PIK3CD: variants seen among roughly 807,000 people sequenced by gnomAD.
PIK3CD encodes the protein phosphatidylinositol 4,5-bisphosphate 3-kinase catalytic subunit delta isoform.
Under a neutral mutation model 122.9 loss-of-function variants are expected in PIK3CD, and 20 were observed. That is an observed-to-expected ratio of 0.16 (90% CI 0.11 to 0.24). The LOEUF is 0.24. PIK3CD is among the 10% of genes least tolerant of loss of function. The pLI is 1.00. For synonymous variants in PIK3CD, 596 were observed against 593.4 expected, an observed-to-expected ratio of 1.00 and a Z score of -0.06; for missense variants, 787 against 1,406.3, an observed-to-expected ratio of 0.56 and a Z score of 7.04.
At position 9,727,992 on chromosome 1, in the gene PIK3CD, C is replaced by CG. The variant is rs1209763888; in HGVS notation, c.*951dup. 1.3e-5 allele frequency: 2 copies of CG among 158,282 alleles called. No homozygotes were observed. Among genetic ancestry groups the CG allele is most frequent in the African/African-American group, 4.8e-5 (2 of 41,514 alleles). 9.8% of individuals were successfully genotyped at this position (158,282 alleles called of 1,614,324 possible). On this transcript the variant is annotated 3_prime_UTR_variant, in exon 24 of 24. Transcript: ENST00000377346. ...GCTAATTTTTGTATTTTAGTAGAGA[C>CG]GGGGGTTTCACCATGTTGGCTGGGC...
At chr1:9,714,734 T>G (rs1647206441) in intron 3 of PIK3CD, among the ~76,000 whole-genome samples, 1 of 152,158 alleles carries the variant, frequency 6.6e-6, no homozygotes, top group Non-Finnish European at 1.5e-5. Context: ...CCGTCTTCTT[T>G]GTGACTCAGT....
chr1:9,666,011 CCTT>C (rs936707033), intron 1 of PIK3CD, among the ~76,000 whole-genome samples: 1 of 152,186 alleles, frequency 6.6e-6, no homozygotes, highest in Non-Finnish European at 1.5e-5. Flanking sequence ...ACTGCAACCT[CCTT>C]CTCCTGGCTT....
In PIK3CD at chr1:9,720,288, C is replaced by T; in HGVS notation, c.1470+46C>T. On this transcript the variant is annotated intron_variant, in intron 11 of 23. Coordinates refer to ENST00000377346, the MANE Select transcript of PIK3CD (RefSeq NM_005026.5). The surrounding 1 kb of genome is among the most constrained non-coding windows in gnomAD (Gnocchi z 9.0). ...GTGAGGCTGAGGGGCTGGCGCGGAGCTCTCCTGGCCCTGCTCCTGGAGCTC... is the reference window on the plus strand; with the variant it reads ...GTGAGGCTGAGGGGCTGGCGCGGAGTTCTCCTGGCCCTGCTCCTGGAGCTC... The T allele has an allele frequency of 1.3e-6, 2 of 1,577,482 alleles. No homozygotes were observed. Among genetic ancestry groups the T allele is most frequent in the Non-Finnish European group, 1.7e-6 (2 of 1,158,040 alleles).
At chr1:9,697,669 G>A (rs1314453934) in intron 2 of PIK3CD, among the ~76,000 whole-genome samples, 1 of 150,988 alleles carries the variant, frequency 6.6e-6, no homozygotes, top group Non-Finnish European at 1.5e-5. Context: ...GGAGTTCAAG[G>A]CTGCAGTGAG....
rs751570218 is a variant in PIK3CD at position 9,720,139 on chromosome 1, C to T, written c.1367C>T (p.Thr456Met). 2.2e-5 allele frequency: 36 copies of T among 1,613,220 alleles called. 1 individual carries two copies. The South Asian group carries it at 2.4e-4, about 11-fold the overall frequency. Residue 456 changes from threonine to methionine, a missense_variant, in exon 11 of 24, where the codon ACG (threonine) becomes ATG (methionine). Thr to Met is a moderately conservative substitution (Grantham distance 81). This residue lies in a region of PIK3CD where 592 missense variants were observed against 920.6 expected (regional missense o/e 0.64). Coordinates refer to ENST00000377346, the MANE Select transcript of PIK3CD (RefSeq NM_005026.5). This position sits in a 1 kb window ranked among gnomAD's most constrained non-coding sequence, Gnocchi z 9.0. Reference sequence around the variant, plus strand: ...GAGAAGGGCGAGCTGCTGAACCCCACGGGCACTGTGCGCAGTAACCCCAAC... The same window carrying T: ...GAGAAGGGCGAGCTGCTGAACCCCATGGGCACTGTGCGCAGTAACCCCAAC... ...PDEKGELLNP[T>M]GTVRSNPNTD... is the part of the protein sequence containing the mutation.
chr1:9,663,116 C>A (rs773602646), intron 1 of PIK3CD, among the ~76,000 whole-genome samples: 1 of 152,194 alleles, frequency 6.6e-6, no homozygotes, highest in African/African-American at 2.4e-5. Context: ...CAAACCCACA[C>A]GGTGTCTTCT....
intron 1 of PIK3CD, among the ~76,000 whole-genome samples, chr1:9,665,359 G>T (rs569241022): frequency 6.6e-6 from 1 of 151,866 alleles, no homozygotes; most frequent in South Asian, 2.1e-4. Flanking sequence ...CCTCATCTCT[G>T]GGAGATTTGG....
chr1:9,650,501 G>A (rs4477280), upstream of PIK3CD, among the ~76,000 whole-genome samples: 80,111 of 151,858 alleles, frequency 0.53, 22,761 homozygotes, highest in East Asian at 0.9. Context: ...GCGTGTGCCT[G>A]TAATCCCAGC....
upstream of PIK3CD, among the ~76,000 whole-genome samples, chr1:9,648,810 A>C (rs934776436): frequency 6.6e-6 from 1 of 152,116 alleles, no homozygotes; most frequent in Non-Finnish European, 1.5e-5. Flanking sequence ...ATCTTAGAAA[A>C]CCTGGACCAG....
chr1:9,712,743 A>G (rs925071961), intron 3 of PIK3CD, among the ~76,000 whole-genome samples: 1 of 152,162 alleles, frequency 6.6e-6, no homozygotes, highest in Admixed American at 6.5e-5. Context: ...ACACATTACA[A>G]TTTAGGAAAA....
chr1:9,650,487 C>T (rs551587036), upstream of PIK3CD, among the ~76,000 whole-genome samples: 53 of 151,534 alleles, frequency 3.5e-4, no homozygotes, highest in Admixed American at 9.2e-4. Context: ...AGCTGGGTGT[C>T]GTGGCGTGTG....
intron 2 of PIK3CD, among the ~76,000 whole-genome samples, chr1:9,707,521 C>G (rs958087214): frequency 1.3e-5 from 2 of 152,004 alleles, no homozygotes; most frequent in African/African-American, 4.8e-5. Flanking sequence ...GACTCCCACC[C>G]TCCACCCTCA....
intron 2 of PIK3CD, among the ~76,000 whole-genome samples, chr1:9,703,828 C>T (rs1646737616): frequency 6.6e-6 from 1 of 152,152 alleles, no homozygotes; most frequent in Non-Finnish European, 1.5e-5. Context: ...GACACTCTTG[C>T]CCGTGTCTTT....
At position 9,654,016 on chromosome 1, in the gene PIK3CD, A is replaced by G. The variant is rs56390946; in HGVS notation, c.-138+2214A>G. 2.9e-4 allele frequency: 371 copies of G among 1,296,626 alleles called. 1 individual carries two copies. The highest frequency in any genetic ancestry group is 3.6e-4 in the Non-Finnish European group (356 of 979,514). The allele number at this position is 1,296,626 out of a possible 1,614,324, so 80.3% of individuals were successfully genotyped here. On this transcript the variant is annotated intron_variant, in intron 1 of 23. Coordinates refer to ENST00000377346, the MANE Select transcript of PIK3CD (RefSeq NM_005026.5). ...AAGCCAGGAGTTCAAGGTTGCAGTAAGCTATTACAGTGCCACTGCGCTCCA... is the reference window on the plus strand; with the variant it reads ...AAGCCAGGAGTTCAAGGTTGCAGTAGGCTATTACAGTGCCACTGCGCTCCA...
intron 23 of PIK3CD, among the ~76,000 whole-genome samples, chr1:9,725,651 G>A (rs1351662309): frequency 6.6e-6 from 1 of 152,082 alleles, no homozygotes; most frequent in Non-Finnish European, 1.5e-5. Flanking sequence ...GGCTGAGGTG[G>A]GCAGATCACG....
At chr1:9,639,399 C>A in the PIK3CD span, among the ~76,000 whole-genome samples, 2 of 152,118 alleles carry the variant, frequency 1.3e-5, no homozygotes, top group South Asian at 4.1e-4. Flanking sequence ...CTGCTGAGCA[C>A]CCCCGAGAGG....
chr1:9,665,937 TG>T (rs1645144678), intron 1 of PIK3CD, among the ~76,000 whole-genome samples: 1 of 152,108 alleles, frequency 6.6e-6, no homozygotes, highest in African/African-American at 2.4e-5. Flanking sequence ...TTTTTGTTTT[TG>T]TTTTTTGACG....
rs541806178 is a variant in PIK3CD, at chr1:9,657,147, C to T, written c.-138+5345C>T. Among the ~76,000 whole-genome samples, 4 of 152,224 alleles carry T rather than the reference C, an allele frequency of 2.6e-5. No individual in the cohort carries two copies. In the South Asian group the frequency reaches 6.2e-4, roughly 24 times the overall value. ...TCCGTCTTCACAAGGGCATCTCCTC[C>T]GTGTGTCTGGGTCTCCGTCTGTCTC... On this transcript the variant is annotated intron_variant, in intron 1 of 23. Transcript: ENST00000377346.
At position 9,717,119 on chromosome 1, in the gene PIK3CD, G is replaced by A. The variant is rs372023382; in HGVS notation, c.930+11G>A. On this transcript the variant is annotated intron_variant, in intron 7 of 23. Coordinates refer to ENST00000377346, the MANE Select transcript of PIK3CD (RefSeq NM_005026.5). The surrounding 1 kb of genome is among the most constrained non-coding windows in gnomAD (Gnocchi z 5.4). ...ATTCCTGCGAAGAAGGTGAGATGGCGCCTTCCGCCTCCCCTCTGAGCCACC... is the reference window on the plus strand; with the variant it reads ...ATTCCTGCGAAGAAGGTGAGATGGCACCTTCCGCCTCCCCTCTGAGCCACC... The A allele has an allele frequency of 4.8e-5, 78 of 1,613,598 alleles. No individual in the cohort carries two copies. In the Middle Eastern group the frequency reaches 9.9e-4, roughly 20 times the overall value.
Sources: gnomAD v4.1 joint callset for allele counts (sites outside exome capture counted in the v4.1 genomes callset) on GRCh38, gnomAD v4.1.1 for gene constraint, gnomAD v4.1.1 regional missense constraint, Gnocchi (gnomAD v3.1) non-coding constraint, MANE v1.5 for transcripts, NCBI Gene and HGNC (gene_info 2026-07-23, HGNC 2026-07-21) for gene names.